The following FNDC3B variants were observed in gnomAD, a reference collection of about 807,000 sequenced individuals.
FNDC3B encodes fibronectin type III domain containing 3B, also known as fibronectin type III domain-containing protein 3B.
In FNDC3B, 12 loss-of-function variants were observed where a neutral mutation model predicts 151.5. The ratio of observed to expected loss-of-function variants is 0.08; its 90% CI spans 0.05 to 0.13. The LOEUF is 0.13. Among genes scored for constraint, FNDC3B ranks in the 10% least tolerant of loss-of-function variants. FNDC3B has a pLI of 1.00. For synonymous variants in FNDC3B, 528 were observed against 549.0 expected, an observed-to-expected ratio of 0.96 and a Z score of 0.54; for missense variants, 1,214 against 1,505.3, an observed-to-expected ratio of 0.81 and a Z score of 3.20.
chr3:172,176,160 T>C (rs1723583284), intron 3 of FNDC3B, among the ~76,000 whole-genome samples: 1 of 152,188 alleles, frequency 6.6e-6, no homozygotes. Context: ...ACGCATGCAT[T>C]GATTGAATTA....
Position 172,346,460 on chromosome 3 carries a change from C to T in FNDC3B, c.2364+20C>T. Reference sequence around the variant, plus strand: ...TGGGAGGTAAGTCAGGCATATTCTGCATCAACTTCTGTTTCTTCTACTTTA... The same window carrying T: ...TGGGAGGTAAGTCAGGCATATTCTGTATCAACTTCTGTTTCTTCTACTTTA... On this transcript the variant is annotated intron_variant, in intron 20 of 25. Coordinates refer to ENST00000415807, the MANE Select transcript of FNDC3B (RefSeq NM_022763.4). 1 of 1,443,318 alleles carries T rather than the reference C, an allele frequency of 6.9e-7. No homozygotes were observed. The allele number at this position is 1,443,318 out of a possible 1,614,324, so 89.4% of individuals were successfully genotyped here. A position where few individuals can be genotyped will look rare whatever the true frequency, so the allele number is the denominator to read the frequency against.
In FNDC3B at chr3:172,401,443, A is replaced by G. The variant is rs1736572335; in HGVS notation, c.*3968A>G. 6.6e-6 allele frequency: 1 copy of G among 152,204 alleles called. No homozygotes were observed. Among genetic ancestry groups the G allele is most frequent in the Non-Finnish European group, 1.5e-5 (1 of 68,064 alleles). 9.4% of individuals were successfully genotyped at this position (152,204 alleles called of 1,614,324 possible). On this transcript the variant is annotated 3_prime_UTR_variant, in exon 26 of 26. Coordinates refer to ENST00000415807, the MANE Select transcript of FNDC3B (RefSeq NM_022763.4). ...ACTAAAAGGTGATTGTGGACTATAC[A>G]GGCTGCCAGTTTAATCCTTTATCAG... is the stretch of plus-strand genomic sequence containing the variant.
chr3:172,362,704 C>A lies in FNDC3B; in HGVS notation c.2867C>A (p.Pro956Gln). The change falls in exon 23 of 26, where the codon CCA becomes CAA. Residue 956 changes from proline to glutamine, a missense_variant. Physicochemically the swap from Pro to Gln is moderately conservative, Grantham distance 76 (BLOSUM62 -1). Around this residue, in one of 7 missense-constraint regions of FNDC3B, gnomAD observed 284 missense variants for 392.4 expected, o/e 0.72. Transcript: ENST00000415807. Reference protein sequence around the residue: ...FSQFIKAKTRPLPPLPPRLEC... With the variant: ...FSQFIKAKTRQLPPLPPRLEC... ...CAGTTCATTAAAGCAAAAACTCGGC[C>A]ATTACCACCCTTGCCTCCTAGGCTA... is the stretch of plus-strand genomic sequence containing the variant. The A allele has an allele frequency of 6.2e-7, 1 of 1,614,046 alleles. No homozygotes were observed. The highest frequency in any genetic ancestry group is 8.5e-7 in the Non-Finnish European group (1 of 1,179,980).
At position 172,156,961 on chromosome 3, in the gene FNDC3B, T is replaced by C. The variant is rs144767350; in HGVS notation, c.187+23415T>C. On this transcript the variant is annotated intron_variant, in intron 3 of 25. Transcript: ENST00000415807. ...GTTCTAATAACAGTGCTTTTAAGTA[T>C]AAACCTAATATTGTCTACAAAAAGA... Among the ~76,000 whole-genome samples the C allele has an allele frequency of 2.5e-3, 385 of 152,310 alleles. 4 individuals carry two copies. Among genetic ancestry groups the C allele is most frequent in the African/African-American group, 9.0e-3 (376 of 41,556 alleles).
At chr3:172,250,655 T>C (rs112935746) in intron 5 of FNDC3B, among the ~76,000 whole-genome samples, 10 of 152,340 alleles carry the variant, frequency 6.6e-5, no homozygotes, top group African/African-American at 2.4e-4. Flanking sequence ...TAAATGCAAC[T>C]AGAATATGAG....
At chr3:172,289,477 C>G (rs1297891775) in intron 7 of FNDC3B, among the ~76,000 whole-genome samples, 4 of 152,194 alleles carry the variant, frequency 2.6e-5, no homozygotes, top group Non-Finnish European at 5.9e-5. Flanking sequence ...TACCACACTC[C>G]CCTTCTGATC....
intron 25 of FNDC3B, among the ~76,000 whole-genome samples, chr3:172,389,709 CA>C (rs746605377): frequency 6.6e-6 from 1 of 151,396 alleles, no homozygotes; most frequent in Non-Finnish European, 1.5e-5. Context: ...ACTAAAAATA[CA>C]AAAAAAATAG....
chr3:172,082,476 A>C (rs1718330684), intron 1 of FNDC3B, among the ~76,000 whole-genome samples: 1 of 152,210 alleles, frequency 6.6e-6, no homozygotes. Flanking sequence ...AGGACAGCCA[A>C]ATTCCATTAT....
At chr3:172,102,474 C>T (rs908008656) in intron 1 of FNDC3B, among the ~76,000 whole-genome samples, 1 of 151,954 alleles carries the variant, frequency 6.6e-6, no homozygotes, top group Non-Finnish European at 1.5e-5. Flanking sequence ...GAATTTGATT[C>T]GTAATAGATC....
At chr3:172,070,737 C>T (rs1717735122) in intron 1 of FNDC3B, among the ~76,000 whole-genome samples, 1 of 152,170 alleles carries the variant, frequency 6.6e-6, no homozygotes, top group South Asian at 2.1e-4. Context: ...GTGGATCCCC[C>T]TGGACTTATT....
chr3:172,286,908 T>A (rs1730049028), intron 7 of FNDC3B, among the ~76,000 whole-genome samples: 1 of 152,332 alleles, frequency 6.6e-6, no homozygotes, highest in African/African-American at 2.4e-5. Flanking sequence ...AATCTGCTAC[T>A]GTAGTCCTGG....
intron 6 of FNDC3B, among the ~76,000 whole-genome samples, chr3:172,262,882 G>GT (rs200224872): frequency 0.017 from 1,779 of 105,856 alleles, 33 homozygotes; most frequent in Middle Eastern, 0.077. Flanking sequence ...AGATGACAGA[G>GT]TGAGACCGAC....
At chr3:172,362,909 A>G (rs1734436130) in intron 23 of FNDC3B, 64 bp downstream of exon 23, 5 of 1,288,928 alleles carry the variant, frequency 3.9e-6, no homozygotes, top group African/African-American at 1.5e-5. Flanking sequence ...TGAAATCTCA[A>G]TTGTACATTT....
At chr3:172,282,439 G>A (rs1354930393) in intron 6 of FNDC3B, among the ~76,000 whole-genome samples, 1 of 152,170 alleles carries the variant, frequency 6.6e-6, no homozygotes, top group Non-Finnish European at 1.5e-5. Context: ...ATAGGGCAGT[G>A]ATTGCTTTGT....
chr3:172,209,685 A>G (rs1725628041), intron 3 of FNDC3B, among the ~76,000 whole-genome samples: 4 of 152,038 alleles, frequency 2.6e-5, no homozygotes, highest in Non-Finnish European at 5.9e-5. Context: ...AGCCTCGACC[A>G]TAGGCTTCAG....
chr3:172,240,120 C>T (rs931211503), intron 4 of FNDC3B, among the ~76,000 whole-genome samples: 12 of 152,052 alleles, frequency 7.9e-5, no homozygotes, highest in African/African-American at 2.9e-4. Flanking sequence ...TCCTGCCCAC[C>T]TCGGCCTCCC....
chr3:172,272,753 A>G (rs774931237), intron 6 of FNDC3B, among the ~76,000 whole-genome samples: 3 of 152,090 alleles, frequency 2.0e-5, no homozygotes, highest in Non-Finnish European at 2.9e-5. Context: ...GAAAATTAAC[A>G]CCTGCTAGGG....
At chr3:172,088,448 C>T (rs1205458991) in intron 1 of FNDC3B, among the ~76,000 whole-genome samples, 4 of 152,168 alleles carry the variant, frequency 2.6e-5, no homozygotes, top group African/African-American at 4.8e-5. Flanking sequence ...CAGTGTCTCT[C>T]GTGCTAGAAT....
chr3:172,200,641 T>G (rs1003955195), intron 3 of FNDC3B, among the ~76,000 whole-genome samples: 10 of 152,208 alleles, frequency 6.6e-5, no homozygotes, highest in African/African-American at 2.4e-4. Flanking sequence ...AGCTATGATG[T>G]TTGGTAGGTT....
Sources: allele counts gnomAD v4.1 joint callset (sites outside exome capture counted in the v4.1 genomes callset), GRCh38; gene constraint gnomAD v4.1.1; regional missense constraint gnomAD v4.1.1; transcripts MANE v1.5; gene names NCBI Gene and HGNC (gene_info 2026-07-23, HGNC 2026-07-21).